Variants in SPATA7 observed in about 807,000 individuals in gnomAD.
SPATA7 encodes spermatogenesis-associated protein 7.
SPATA7 carries 43 observed loss-of-function variants against 51.8 expected under a neutral mutation model. That is an observed-to-expected ratio of 0.83 (90% CI 0.65 to 1.07). The LOEUF is 1.07. SPATA7 is among the 50% of genes least tolerant of loss of function. The probability of loss-of-function intolerance (pLI) is 0.00; values close to 1 mark genes in which losing one functional copy is unlikely to be tolerated. For synonymous variants in SPATA7, 230 were observed against 252.8 expected, an observed-to-expected ratio of 0.91 and a Z score of 0.86; for missense variants, 683 against 701.3, an observed-to-expected ratio of 0.97 and a Z score of 0.30.
rs2077120415 is a variant in SPATA7, at chr14:88,437,524, T to TAG, written c.1161-19_1161-18insAG. 1 of 1,582,478 alleles carries TAG rather than the reference T, an allele frequency of 6.3e-7. No individual in the cohort carries two copies. The highest frequency in any genetic ancestry group is 1.3e-5 in the African/African-American group (1 of 74,232). On this transcript the variant is annotated intron_variant, in intron 10 of 11. Transcript: ENST00000393545. ...TTTTCTGATTTTGAGACATTAACAT[T>TAG]TTTGTTTATCATTTGTAGGTTTTTA...
rs577973155 is a variant in SPATA7 at position 88,446,494 on chromosome 14, T to C, written c.178-8566T>C. On this transcript the variant is annotated intron_variant, in intron 3 of 3. Transcript: ENST00000554802. ...GTGTCTCTATTTCCTTCAGTTCTGC[T>C]CTGATTTTAGTTATTTCTTGCCTTC... is the stretch of plus-strand genomic sequence containing the variant. Among the ~76,000 whole-genome samples the C allele has an allele frequency of 1.8e-4, 28 of 152,042 alleles. 1 individual carries two copies. The South Asian group carries it at 5.2e-3, about 28-fold the overall frequency.
At chr14:88,433,952 G>C (rs1023547111) in intron 10 of SPATA7, among the ~76,000 whole-genome samples, 3 of 152,090 alleles carry the variant, frequency 2.0e-5, no homozygotes, top group South Asian at 2.1e-4. Flanking sequence ...CATTAATTCT[G>C]TTGACCCCTT....
At chr14:88,388,393 A>T (rs2075641414) in intron 1 of SPATA7, among the ~76,000 whole-genome samples, 1 of 152,184 alleles carries the variant, frequency 6.6e-6, no homozygotes, top group Admixed American at 6.5e-5. Context: ...GAATTTCACC[A>T]CTAAGACCTT....
chr14:88,454,626 G>A (rs2077272535), intron 3 of SPATA7, among the ~76,000 whole-genome samples: 1 of 152,022 alleles, frequency 6.6e-6, no homozygotes, highest in African/African-American at 2.4e-5. Flanking sequence ...GGTCAACAGA[G>A]TGAGACCCCA....
rs527910764 is a variant in SPATA7, at chr14:88,446,737, A to G, written c.178-8323A>G. Among the ~76,000 whole-genome samples, 148 of 152,172 alleles carry G rather than the reference A, an allele frequency of 9.7e-4. 2 individuals are homozygous for G. The highest frequency in any genetic ancestry group is 3.2e-3 in the African/African-American group (133 of 41,520). ...TCTTTATTTCTGCCTTCGTTTTGTT[A>G]TGTACCCAGTAGTCATTCAGGAGCA... On this transcript the variant is annotated intron_variant, in intron 3 of 3. Transcript: ENST00000554802.
chr14:88,435,464 A>G (rs897633578), intron 10 of SPATA7, among the ~76,000 whole-genome samples: 12 of 152,098 alleles, frequency 7.9e-5, no homozygotes, highest in Non-Finnish European at 7.4e-5. Context: ...AGTTATTTTA[A>G]ATGTACAATT....
intron 9 of SPATA7, 56 bp from the exon 10 acceptor site, chr14:88,433,079 G>A: frequency 7.3e-7 from 1 of 1,370,382 alleles, no homozygotes; most frequent in Non-Finnish European, 1.0e-6. Context: ...GTTTCTTACA[G>A]TTTTCAGAAT....
Position 88,397,056 on chromosome 14 carries a change from C to T in SPATA7, c.238+853C>T, listed in dbSNP as rs1030477574. ...AAGCCACCACGCACAGCTAATTTTG[C>T]CACAGCCTTTTTACATAGAGACAGG... is the stretch of plus-strand genomic sequence containing the variant. On this transcript the variant is annotated intron_variant, in intron 4 of 11. Transcript: ENST00000393545. Among the ~76,000 whole-genome samples the T allele has an allele frequency of 2.6e-5, 4 of 151,984 alleles. No homozygotes were observed. In the South Asian group the frequency reaches 8.3e-4, roughly 32 times the overall value.
intron 4 of SPATA7, among the ~76,000 whole-genome samples, chr14:88,412,740 A>G (rs539610281): frequency 1.3e-5 from 2 of 152,238 alleles, no homozygotes; most frequent in African/African-American, 4.8e-5. Context: ...ATATTCTCCC[A>G]TTCTGTTGGT....
At chr14:88,431,868 C>G (rs1351954703) in intron 9 of SPATA7, among the ~76,000 whole-genome samples, 5 of 152,128 alleles carry the variant, frequency 3.3e-5, no homozygotes, top group African/African-American at 1.2e-4. Context: ...ACACTAATCT[C>G]TCTTACAACC....
chr14:88,460,418 T>C (rs916379646), intron 4 of SPATA7, among the ~76,000 whole-genome samples: 36 of 152,324 alleles, frequency 2.4e-4, no homozygotes, highest in African/African-American at 8.7e-4. Context: ...CCTTTTACTC[T>C]TTTTTCTCTA....
chr14:88,446,874 T>C lies in SPATA7; in HGVS notation c.178-8186T>C, dbSNP rs544131872. On this transcript the variant is annotated intron_variant, in intron 3 of 3. Coordinates refer to the SPATA7 transcript ENST00000554802. ...TAGTTTGTTATAATTTCTGTTCTTT[T>C]ACATTTGTTGAGGAGAGCTTTACTT... Among the ~76,000 whole-genome samples, 611 of 152,294 alleles carry C rather than the reference T, an allele frequency of 4.0e-3. 8 individuals carry two copies. Among genetic ancestry groups the C allele is most frequent in the African/African-American group, 0.013 (557 of 41,564 alleles).
At chr14:88,389,102 C>CAA (rs202195670) in intron 1 of SPATA7, among the ~76,000 whole-genome samples, 3 of 151,070 alleles carry the variant, frequency 2.0e-5, no homozygotes, top group African/African-American at 7.3e-5. Context: ...AAAACAAAAA[C>CAA]AAAAAAACAG....
rs200780988 is a variant in SPATA7 at position 88,385,787 on chromosome 14, G to C, written c.-32G>C. On this transcript the variant is annotated 5_prime_UTR_variant, in exon 1 of 12. Transcript: ENST00000393545. ...CGGGAAGGACCGAAGGGGATACAGC[G>C]TGTCCCTGCGGCGGCTGCAAGAGGA... 14 of 1,595,714 alleles carry C rather than the reference G, an allele frequency of 8.8e-6. No homozygotes were observed. In the Admixed American group the frequency reaches 1.9e-4, roughly 22 times the overall value.
Position 88,393,427 on chromosome 14 carries a change from C to T in SPATA7, c.129C>T (p.Ser43=). 1 of 1,604,502 alleles carries T rather than the reference C, an allele frequency of 6.2e-7. No individual in the cohort carries two copies. Among genetic ancestry groups the T allele is most frequent in the South Asian group, 1.1e-5 (1 of 89,414 alleles). ...FCTDSSSLRL[S]TLQLVKNHMA... ...CTGACTCCTCTTCTCTCAGACTAAG[C>T]ACTCTCCAGCTGGTCAAGAATCACA... The change falls in exon 3 of 12, where the codon AGC becomes AGT. Residue 43 remains serine (S), a synonymous_variant. Transcript: ENST00000393545.
chr14:88,413,805 A>T (rs557334266), intron 4 of SPATA7, among the ~76,000 whole-genome samples: 4 of 151,826 alleles, frequency 2.6e-5, no homozygotes, highest in African/African-American at 9.7e-5. Flanking sequence ...ATCTGTTGAG[A>T]TGATCATAAG....
chr14:88,420,241 C>G (rs946648350), intron 5 of SPATA7, among the ~76,000 whole-genome samples: 1 of 152,122 alleles, frequency 6.6e-6, no homozygotes, highest in African/African-American at 2.4e-5. Context: ...ACAAACTCCC[C>G]AAGTCCTCAG....
intron 4 of SPATA7, among the ~76,000 whole-genome samples, chr14:88,461,131 C>T (rs112971480): frequency 7.9e-5 from 12 of 152,328 alleles, no homozygotes; most frequent in African/African-American, 2.4e-4. Context: ...TGGGAGGTGC[C>T]TCCCAGTTAG....
intron 3 of SPATA7, among the ~76,000 whole-genome samples, chr14:88,445,059 TGTAAATTACCTTGGGCA>T (rs2077202245): frequency 6.6e-6 from 1 of 152,064 alleles, no homozygotes; most frequent in Admixed American, 6.6e-5. Flanking sequence ...GCATTGAATC[TGTAAATTACCTTGGGCA>T]GTATGGCCAT....
Sources: gnomAD v4.1 joint callset for allele counts (sites outside exome capture counted in the v4.1 genomes callset) on GRCh38, gnomAD v4.1.1 for gene constraint, MANE v1.5 for transcripts, NCBI Gene and HGNC (gene_info 2026-07-23, HGNC 2026-07-21) for gene names.